The following KIAA1549 variants were observed in gnomAD, a reference collection of about 807,000 sequenced individuals.
KIAA1549 encodes the protein UPF0606 protein KIAA1549.
A neutral mutation model predicts 156.4 loss-of-function variants in KIAA1549; 70 were observed. The observed-to-expected ratio is 0.45, with a 90% confidence interval of 0.37 to 0.55. The LOEUF is 0.55. Ranked by LOEUF, KIAA1549 falls within the 20% of genes least tolerant of loss-of-function variation. The pLI, the probability that KIAA1549 is intolerant of heterozygous loss-of-function variation, is 0.00. For missense variants in KIAA1549, 2,428 were observed against 2,540.9 expected, an observed-to-expected ratio of 0.96 and a Z score of 0.96; for synonymous variants, 1,103 against 1,066.4, an observed-to-expected ratio of 1.03 and a Z score of -0.67.
chr7:138,961,311 C>T (rs890648407), intron 1 of KIAA1549, among the ~76,000 whole-genome samples: 6 of 152,180 alleles, frequency 3.9e-5, no homozygotes, highest in South Asian at 2.1e-4. Flanking sequence ...AAGTCTATGA[C>T]GGAAATGCTG....
intron 16 of KIAA1549, among the ~76,000 whole-genome samples, chr7:138,852,806 G>A (rs943675009): frequency 9.9e-5 from 15 of 152,204 alleles, no homozygotes; most frequent in African/African-American, 3.4e-4. Flanking sequence ...AAACTAGAGA[G>A]ACTCTACAAG....
rs1810557889 is a variant in KIAA1549, at chr7:138,861,121, T to C, written c.5247+18A>G. ...CAACATCTTGCCCATCAGAGAATTC[T>C]AGAAGGCCAGTACTTACACTGCAGG... On this transcript the variant is annotated intron_variant, in intron 16 of 19. Transcript: ENST00000422774. 6.8e-6 allele frequency: 11 copies of C among 1,612,668 alleles called. No homozygotes were observed. The highest frequency in any genetic ancestry group is 9.3e-6 in the Non-Finnish European group (11 of 1,179,136).
intron 1 of KIAA1549, among the ~76,000 whole-genome samples, chr7:138,946,061 C>G (rs1813326266): frequency 6.6e-6 from 1 of 152,052 alleles, no homozygotes; most frequent in Non-Finnish European, 1.5e-5. Flanking sequence ...CCCCTAAGCT[C>G]TCTCCACCCT....
In KIAA1549 at chr7:138,881,411, G is replaced by A. The variant is rs763029239; in HGVS notation, c.4206C>T (p.Ser1402=). ...DVPSPKSKIP[S]KNVRHRGRVS... ...ACCTTCCTCTGTGACGAACATTCTT[G>A]GAAGGGATCTTTGACTTGGGGCTTG... is the stretch of plus-strand genomic sequence containing the variant. Residue 1402 remains serine, a synonymous_variant, in exon 11 of 20, where the codon TCC becomes TCT. Transcript: ENST00000422774. The A allele has an allele frequency of 3.7e-6, 6 of 1,613,802 alleles. No individual in the cohort carries two copies. Among genetic ancestry groups the A allele is most frequent in the Non-Finnish European group, 5.1e-6 (6 of 1,179,842 alleles).
At chr7:138,960,836 C>T (rs1476020675) in intron 1 of KIAA1549, among the ~76,000 whole-genome samples, 3 of 152,144 alleles carry the variant, frequency 2.0e-5, no homozygotes, top group Non-Finnish European at 2.9e-5. Flanking sequence ...TGGTGTCTTC[C>T]GGATTTTCCA....
At chr7:138,964,361 G>C (rs2130561706) in intron 1 of KIAA1549, among the ~76,000 whole-genome samples, 1 of 152,320 alleles carries the variant, frequency 6.6e-6, no homozygotes, top group African/African-American at 2.4e-5. Context: ...CCCACCCCCA[G>C]GGTGGGAAAA....
intron 17 of KIAA1549, 93 bp from the exon 18 acceptor site, chr7:138,844,567 C>A: frequency 2.6e-6 from 3 of 1,172,548 alleles, no homozygotes; most frequent in Non-Finnish European, 3.4e-6. Flanking sequence ...GAAGGTAACA[C>A]TTATTTGTCT....
chr7:138,862,722 G>A (rs1281079454), intron 15 of KIAA1549, among the ~76,000 whole-genome samples: 1 of 152,176 alleles, frequency 6.6e-6, no homozygotes, highest in Non-Finnish European at 1.5e-5. Context: ...CCTGAGGTCA[G>A]GAGTTCGAGA....
In KIAA1549 at chr7:138,917,756, A is replaced by G. The variant is rs1363778670; in HGVS notation, c.1870T>C (p.Ser624Pro). 4 of 1,582,208 alleles carry G rather than the reference A, an allele frequency of 2.5e-6. No homozygotes were observed. The highest frequency in any genetic ancestry group is 3.7e-5 in the Admixed American group (2 of 54,108). ...HKPRGALDFA[S>P]SFFSTPPLEL... ...AGCGGGGGTGTTGAGAAAAAGCTGG[A>G]TGCAAAATCCAAAGCACCTCTGGGT... The change falls in exon 2 of 20, where the codon TCC (serine) becomes CCC (proline). Residue 624 changes from serine (S) to proline (P), a missense_variant. By Grantham distance (74) the Ser-to-Pro change is moderately conservative (BLOSUM62 -1). This residue lies in a region of KIAA1549 where 893 missense variants were observed against 847.9 expected (regional missense o/e 1.05). Coordinates refer to ENST00000422774, the MANE Select transcript of KIAA1549 (RefSeq NM_001164665.2).
rs767585578 is a variant in KIAA1549, at chr7:138,879,546, G to A, written c.4337C>T (p.Pro1446Leu). 44 of 1,557,272 alleles carry A rather than the reference G, an allele frequency of 2.8e-5. No individual in the cohort carries two copies. Among genetic ancestry groups the A allele is most frequent in the East Asian group, 4.8e-5 (2 of 41,716 alleles). The change falls in exon 12 of 20, where the codon CCG (proline) becomes CTG (leucine). Residue 1446 changes from proline to leucine, a missense_variant. Physicochemically the swap from Pro to Leu is moderately conservative, Grantham distance 98 (BLOSUM62 -3). Coordinates refer to ENST00000422774, the MANE Select transcript of KIAA1549 (RefSeq NM_001164665.2). ...AVNDGRSHRA[P>L]QSGPPLPSSG... is the part of the protein sequence containing the mutation. ...CCAGAAGAGTCACAGACCGCTCTGCGGAGCTCTGTGGGACCTGCCATCGTT... is the reference window on the plus strand; with the variant it reads ...CCAGAAGAGTCACAGACCGCTCTGCAGAGCTCTGTGGGACCTGCCATCGTT...
chr7:138,962,978 C>T (rs1427075027), intron 1 of KIAA1549, among the ~76,000 whole-genome samples: 2 of 152,224 alleles, frequency 1.3e-5, no homozygotes, highest in African/African-American at 2.4e-5. Context: ...ACTTCACATG[C>T]CACTGGATAG....
intron 18 of KIAA1549, 137 bp downstream of exon 18, chr7:138,844,180 A>G: frequency 2.1e-6 from 2 of 954,326 alleles, no homozygotes; most frequent in Non-Finnish European, 1.6e-6. Flanking sequence ...CATCTCGGTC[A>G]GGATATGAGG....
rs1206003255 is a variant in KIAA1549 at position 138,901,350 on chromosome 7, G to A, written c.3670-2218C>T. 5.6e-5 allele frequency among the ~76,000 whole-genome samples: 8 copies of A among 142,152 alleles called. No homozygotes were observed. In the South Asian group the frequency reaches 1.8e-3, roughly 32 times the overall value. The allele number at this position is 142,152 out of a possible 152,430, so 93.3% of individuals were successfully genotyped here. A position where few individuals can be genotyped will look rare whatever the true frequency, so the allele number is the denominator to read the frequency against. ...TATTTTTTTTTTTTTTTTTGAGACA[G>A]AGTCTCACTCTGTCCCCGAGGCTGG... is the stretch of plus-strand genomic sequence containing the variant. On this transcript the variant is annotated intron_variant, in intron 8 of 19. Coordinates refer to ENST00000422774, the MANE Select transcript of KIAA1549 (RefSeq NM_001164665.2).
At chr7:138,897,761 G>C (rs1811722090) in intron 9 of KIAA1549, among the ~76,000 whole-genome samples, 1 of 151,634 alleles carries the variant, frequency 6.6e-6, no homozygotes, top group African/African-American at 2.4e-5. Flanking sequence ...GGGTGTAGTG[G>C]TGGTGACTGT....
In KIAA1549 at chr7:138,840,192, G is replaced by T; in HGVS notation, c.5539C>A (p.Gln1847Lys). 1 of 1,566,954 alleles carries T rather than the reference G, an allele frequency of 6.4e-7. No individual in the cohort carries two copies. The highest frequency in any genetic ancestry group is 8.7e-7 in the Non-Finnish European group (1 of 1,155,796). Reference sequence around the variant, plus strand: ...GAAGGCCAGCCTGGCCCCCCATACTGGCTGCCTCTGCTTGGCGGGATTTCC... The same window carrying T: ...GAAGGCCAGCCTGGCCCCCCATACTTGCTGCCTCTGCTTGGCGGGATTTCC... ...PVEIPPSRGS[Q>K]YGGPGWPSYG... Residue 1847 changes from glutamine (Q) to lysine (K), a missense_variant, in exon 19 of 20, where the codon CAG (glutamine) becomes AAG (lysine). Around this residue, in one of 5 missense-constraint regions of KIAA1549, gnomAD observed 363 missense variants for 354.0 expected, o/e 1.03. Transcript: ENST00000422774.
At chr7:138,923,593 C>G (rs1392475796) in intron 1 of KIAA1549, among the ~76,000 whole-genome samples, 2 of 148,316 alleles carry the variant, frequency 1.3e-5, no homozygotes, top group Non-Finnish European at 3.0e-5. Flanking sequence ...GAGCGAGACT[C>G]CATCTCAAAA....
chr7:138,852,819 G>A (rs1434509533), intron 16 of KIAA1549, among the ~76,000 whole-genome samples: 1 of 152,216 alleles, frequency 6.6e-6, no homozygotes, highest in African/African-American at 2.4e-5. Flanking sequence ...TCTACAAGAC[G>A]AAGGCAGCAC....
intron 1 of KIAA1549, among the ~76,000 whole-genome samples, chr7:138,973,617 T>C (rs981933910): frequency 2.0e-5 from 3 of 152,210 alleles, no homozygotes; most frequent in Non-Finnish European, 4.4e-5. Context: ...TCCATATCTA[T>C]GACTTCAACT....
chr7:138,886,159 G>C (rs1811386065), intron 10 of KIAA1549, among the ~76,000 whole-genome samples: 1 of 152,170 alleles, frequency 6.6e-6, no homozygotes, highest in Non-Finnish European at 1.5e-5. Flanking sequence ...AGGCCAAACA[G>C]ATCTAAGGAG....
Sources: allele counts gnomAD v4.1 joint callset (sites outside exome capture counted in the v4.1 genomes callset), GRCh38; gene constraint gnomAD v4.1.1; regional missense constraint gnomAD v4.1.1; transcripts MANE v1.5; gene names NCBI Gene and HGNC (gene_info 2026-07-23, HGNC 2026-07-21).